The following RUNDC3B variants were observed in gnomAD, a reference collection of about 807,000 sequenced individuals.
RUNDC3B encodes RUN domain containing 3B, also known as RUN domain-containing protein 3B.
A neutral mutation model predicts 58.4 loss-of-function variants in RUNDC3B; 33 were observed. The observed-to-expected ratio is 0.56, with a 90% CI of 0.43 to 0.75. The LOEUF (loss-of-function observed/expected upper bound fraction) is 0.75, where lower values mean the gene tolerates loss of function less well. Ranked by LOEUF, RUNDC3B falls within the 30% of genes least tolerant of loss-of-function variation. RUNDC3B has a pLI of 0.00. For synonymous variants in RUNDC3B, 193 were observed against 195.2 expected, an observed-to-expected ratio of 0.99 and a Z score of 0.10; for missense variants, 501 against 535.7, an observed-to-expected ratio of 0.94 and a Z score of 0.64.
At chr7:87,784,786 CCTCA>C (rs1348010348) in intron 8 of RUNDC3B, among the ~76,000 whole-genome samples, 10 of 151,378 alleles carry the variant, frequency 6.6e-5, no homozygotes, top group African/African-American at 2.2e-4. Context: ...AAGATTACCC[CCTCA>C]CTAAGTCTGT....
At chr7:87,802,781 C>T (rs1247263178) in intron 8 of RUNDC3B, among the ~76,000 whole-genome samples, 2 of 151,910 alleles carry the variant, frequency 1.3e-5, no homozygotes, top group African/African-American at 2.4e-5. Flanking sequence ...TAGGTAGGCG[C>T]TCCACCTGAG....
intron 2 of RUNDC3B, among the ~76,000 whole-genome samples, chr7:87,675,747 A>G (rs2083435010): frequency 6.6e-6 from 1 of 151,728 alleles, no homozygotes; most frequent in African/African-American, 2.4e-5. Context: ...TATCATACAC[A>G]AAAATCAACT....
At chr7:87,781,062 G>T (rs1834894293) in intron 8 of RUNDC3B, among the ~76,000 whole-genome samples, 1 of 152,050 alleles carries the variant, frequency 6.6e-6, no homozygotes, top group South Asian at 2.1e-4. Flanking sequence ...AATTTGTTCT[G>T]TAGGTTGCTT....
chr7:87,789,831 T>C (rs1835428982), intron 8 of RUNDC3B, among the ~76,000 whole-genome samples: 1 of 152,188 alleles, frequency 6.6e-6, no homozygotes, highest in Admixed American at 6.5e-5. Flanking sequence ...CGACTTTGTA[T>C]TGTGGTTTGA....
chr7:87,743,316 C>A (rs1158770111), intron 6 of RUNDC3B, among the ~76,000 whole-genome samples: 2 of 152,128 alleles, frequency 1.3e-5, no homozygotes, highest in African/African-American at 4.8e-5. Flanking sequence ...ACTTATTTTC[C>A]TCTGGGCAGA....
At chr7:87,812,907 T>A (rs1836804062) in intron 9 of RUNDC3B, among the ~76,000 whole-genome samples, 1 of 152,182 alleles carries the variant, frequency 6.6e-6, no homozygotes, top group Non-Finnish European at 1.5e-5. Flanking sequence ...CGTTACCGCA[T>A]GACTACAAAA....
chr7:87,832,237 A>G lies in RUNDC3B; in HGVS notation c.*2207A>G, dbSNP rs942832046. 1.3e-5 allele frequency: 2 copies of G among 151,880 alleles called. No homozygotes were observed. The highest frequency in any genetic ancestry group is 2.9e-5 in the Non-Finnish European group (2 of 67,890). 9.4% of individuals were successfully genotyped at this position (151,880 alleles called of 1,614,324 possible). The stretch of plus-strand genomic sequence containing the variant: ...ATTATACGCCAATATTTCCATGTGT[A>G]TTCTGTTGCCTTGATGCGTACTATA... On this transcript the variant is annotated 3_prime_UTR_variant, in exon 11 of 11. Transcript: ENST00000394654.
intron 8 of RUNDC3B, among the ~76,000 whole-genome samples, chr7:87,791,219 A>C (rs1835505073): frequency 6.6e-6 from 1 of 152,164 alleles, no homozygotes; most frequent in Admixed American, 6.5e-5. Context: ...ATTATCCTTA[A>C]ATAGTATATC....
At chr7:87,818,440 G>A (rs1472136887) in intron 10 of RUNDC3B, among the ~76,000 whole-genome samples, 1 of 152,180 alleles carries the variant, frequency 6.6e-6, no homozygotes, top group Non-Finnish European at 1.5e-5. Flanking sequence ...AAGGAAACAT[G>A]TTCTCATGAT....
intron 6 of RUNDC3B, among the ~76,000 whole-genome samples, chr7:87,761,950 C>T (rs187089384): frequency 4.0e-5 from 6 of 151,752 alleles, no homozygotes; most frequent in Admixed American, 2.6e-4. Context: ...TACAAGTATA[C>T]AAATGAATAA....
intron 3 of RUNDC3B, among the ~76,000 whole-genome samples, chr7:87,708,317 A>G (rs2188528): frequency 2.0e-5 from 3 of 152,162 alleles, no homozygotes; most frequent in Non-Finnish European, 2.9e-5. Flanking sequence ...CCAAGTGTGT[A>G]TATCTCACAG....
At chr7:87,693,862 G>T (rs377677883) in intron 2 of RUNDC3B, 10 of 1,586,194 alleles carry the variant, frequency 6.3e-6, no homozygotes, top group East Asian at 2.2e-5. Flanking sequence ...ATGATGGCAG[G>T]TTTCTTAAAT....
chr7:87,649,391 G>A (rs1467370808), intron 1 of RUNDC3B, among the ~76,000 whole-genome samples: 1 of 152,174 alleles, frequency 6.6e-6, no homozygotes, highest in Non-Finnish European at 1.5e-5. Flanking sequence ...AGAAAGCGTG[G>A]TTCTGCCTGA....
chr7:87,684,305 C>CT (rs1042677030), intron 2 of RUNDC3B, among the ~76,000 whole-genome samples: 1 of 151,956 alleles, frequency 6.6e-6, no homozygotes, highest in Non-Finnish European at 1.5e-5. Context: ...TTTTAGAAGG[C>CT]TTTTTTTGTA....
At chr7:87,654,706 C>T (rs1280170151) in intron 2 of RUNDC3B, among the ~76,000 whole-genome samples, 1 of 151,898 alleles carries the variant, frequency 6.6e-6, no homozygotes. Context: ...GCACAGGCAA[C>T]TAAAGGAAAA....
intron 6 of RUNDC3B, among the ~76,000 whole-genome samples, chr7:87,746,559 G>A (rs1302461340): frequency 6.6e-6 from 1 of 152,160 alleles, no homozygotes; most frequent in Non-Finnish European, 1.5e-5. Context: ...TTTTACTATT[G>A]TATAATGTAC....
intron 2 of RUNDC3B, among the ~76,000 whole-genome samples, chr7:87,687,191 C>T (rs1452368692): frequency 6.6e-6 from 1 of 151,790 alleles, no homozygotes; most frequent in Non-Finnish European, 1.5e-5. Context: ...CTAGTTTTTC[C>T]CCCACAACTT....
intron 4 of RUNDC3B, among the ~76,000 whole-genome samples, chr7:87,720,565 TG>T (rs1830820261): frequency 6.6e-6 from 1 of 151,586 alleles, no homozygotes; most frequent in African/African-American, 2.4e-5. Flanking sequence ...TGTGTGTGTG[TG>T]TGTGTGTGTA....
intron 1 of RUNDC3B, among the ~76,000 whole-genome samples, chr7:87,634,711 C>T (rs1428682597): frequency 6.6e-6 from 1 of 151,846 alleles, no homozygotes; most frequent in African/African-American, 2.4e-5. Flanking sequence ...TTGAGTATGC[C>T]TCATAAGACT....
Sources: gnomAD v4.1 joint callset for allele counts (sites outside exome capture counted in the v4.1 genomes callset) on GRCh38, gnomAD v4.1.1 for gene constraint, MANE v1.5 for transcripts, NCBI Gene and HGNC (gene_info 2026-07-23, HGNC 2026-07-21) for gene names.